The following DLG5 variants were observed in gnomAD, a reference collection of about 807,000 sequenced individuals.
The protein encoded by DLG5 is disks large homolog 5.
In DLG5, 48 loss-of-function variants were observed where a neutral mutation model predicts 189.8. The observed-to-expected ratio is 0.25, with a 90% CI of 0.20 to 0.32. DLG5 has a LOEUF of 0.32. Among genes scored for constraint, DLG5 ranks in the 10% least tolerant of loss-of-function variants. The probability of loss-of-function intolerance (pLI) is 1.00; values close to 1 mark genes in which losing one functional copy is unlikely to be tolerated. For synonymous variants in DLG5, 1,016 were observed against 1,054.1 expected, an observed-to-expected ratio of 0.96 and a Z score of 0.70; for missense variants, 2,160 against 2,544.7, an observed-to-expected ratio of 0.85 and a Z score of 3.25.
intron 18 of DLG5, 58 bp downstream of exon 18, chr10:77,817,719 A>C: frequency 7.0e-7 from 1 of 1,434,936 alleles, no homozygotes; most frequent in Non-Finnish European, 9.6e-7. Flanking sequence ...ATTAGGATGC[A>C]GGCAGAGATG....
At chr10:77,901,720 C>T (rs1268349245) in intron 1 of DLG5, among the ~76,000 whole-genome samples, 1 of 152,194 alleles carries the variant, frequency 6.6e-6, no homozygotes, top group Non-Finnish European at 1.5e-5. Flanking sequence ...TCTTTGCTGA[C>T]CTGGACATAA....
upstream of DLG5, among the ~76,000 whole-genome samples, chr10:77,931,404 C>T (rs1014898186): frequency 6.8e-6 from 1 of 147,816 alleles, no homozygotes; most frequent in Non-Finnish European, 1.5e-5. Context: ...ACCATCATCA[C>T]ACCTAGGTAT....
At chr10:77,830,648 T>C in intron 10 of DLG5, 93 bp downstream of exon 10, 2 of 1,540,306 alleles carry the variant, frequency 1.3e-6, no homozygotes, top group Non-Finnish European at 1.8e-6. Flanking sequence ...CCTCCAAACT[T>C]GGAGTGGTGA....
chr10:77,884,011 G>C (rs1302640560), intron 1 of DLG5, among the ~76,000 whole-genome samples: 1 of 151,928 alleles, frequency 6.6e-6, no homozygotes, highest in Non-Finnish European at 1.5e-5. Flanking sequence ...AAGTAACATT[G>C]TTCTAAGTGT....
rs563016287 is a variant in DLG5, at chr10:77,882,801, T to C, written c.305-13604A>G. Among the ~76,000 whole-genome samples, 85 of 150,920 alleles carry C rather than the reference T, an allele frequency of 5.6e-4. 1 individual carries two copies. The highest frequency in any genetic ancestry group is 2.0e-3 in the African/African-American group (84 of 41,072). On this transcript the variant is annotated intron_variant, in intron 1 of 31. Transcript: ENST00000372391. ...AGCCTGGTGTGGTGGTGCACGTCTG[T>C]AATGCCAGCTACTCGGGAGGGTGAG...
chr10:77,926,034 G>C lies in DLG5; in HGVS notation c.304+183C>G, dbSNP rs1048055866. Among the ~76,000 whole-genome samples the C allele has an allele frequency of 6.6e-5, 10 of 152,332 alleles. No individual in the cohort carries two copies. Among genetic ancestry groups the C allele is most frequent in the Admixed American group, 6.5e-4 (10 of 15,308 alleles). On this transcript the variant is annotated intron_variant, in intron 1 of 31. Transcript: ENST00000372391. This position sits in a 1 kb window ranked among gnomAD's most constrained non-coding sequence, Gnocchi z 5.2. ...GGGCATTGTTCACAGCGAACGGCGG[G>C]ACTGGGGGAGGCGGCGGGACTTCGG...
intron 1 of DLG5, among the ~76,000 whole-genome samples, chr10:77,896,499 C>G (rs1294815938): frequency 2.0e-5 from 3 of 152,024 alleles, no homozygotes; most frequent in Non-Finnish European, 2.9e-5. Flanking sequence ...CCAAATGAAT[C>G]AGGAAAACAA....
intron 8 of DLG5, among the ~76,000 whole-genome samples, chr10:77,834,507 G>A (rs1265583076): frequency 1.3e-5 from 2 of 152,140 alleles, no homozygotes; most frequent in African/African-American, 4.8e-5. Flanking sequence ...CCTGCAACTA[G>A]GAAGGGAGCC....
chr10:77,891,668 C>T (rs1013710811), intron 1 of DLG5, among the ~76,000 whole-genome samples: 1 of 151,992 alleles, frequency 6.6e-6, no homozygotes, highest in African/African-American at 2.4e-5. Context: ...ACATTCCCTC[C>T]AACCCCGCTA....
Position 77,792,376 on chromosome 10 carries a change from A to G in DLG5, c.*64T>C. 1 of 1,471,044 alleles carries G rather than the reference A, an allele frequency of 6.8e-7. No homozygotes were observed. Among genetic ancestry groups the G allele is most frequent in the South Asian group, 1.1e-5 (1 of 88,140 alleles). 91.1% of individuals were successfully genotyped at this position (1,471,044 alleles called of 1,614,324 possible). On this transcript the variant is annotated 3_prime_UTR_variant, in exon 32 of 32. Transcript: ENST00000372391. ...ACAGACTTCTACTTTCAGTCGCTAG[A>G]AAAGAGCTGAGTCTGGTGTCCCCTC...
intron 7 of DLG5, 150 bp from the exon 8 acceptor site, chr10:77,836,072 G>T: frequency 1.4e-6 from 1 of 739,468 alleles, no homozygotes; most frequent in Non-Finnish European, 2.1e-6. Context: ...CATACCCCCA[G>T]TGACTGCACC....
chr10:77,813,646 A>G (rs995035284), intron 20 of DLG5, among the ~76,000 whole-genome samples: 1 of 152,126 alleles, frequency 6.6e-6, no homozygotes, highest in Admixed American at 6.6e-5. Context: ...CTCCTGCCCC[A>G]GCCTTAGATG....
chr10:77,856,658 G>A, intron 3 of DLG5, 72 bp downstream of exon 3: 1 of 1,565,630 alleles, frequency 6.4e-7, no homozygotes, highest in Non-Finnish European at 8.7e-7. Context: ...GGTGTTTGGG[G>A]GTGACAGCAC....
At chr10:77,813,396 G>A (rs973104380) in intron 20 of DLG5, among the ~76,000 whole-genome samples, 1 of 152,064 alleles carries the variant, frequency 6.6e-6, no homozygotes, top group Non-Finnish European at 1.5e-5. Context: ...GTGGCCCTAT[G>A]CCCCAGCCCT....
At chr10:77,819,560 A>C (rs968804477) in intron 16 of DLG5, 95 bp from the exon 17 acceptor site, 12 of 1,462,836 alleles carry the variant, frequency 8.2e-6, no homozygotes, top group South Asian at 1.4e-5. Context: ...ACGCAGCCGC[A>C]GTCTTTTGGG....
intron 1 of DLG5, among the ~76,000 whole-genome samples, chr10:77,890,706 C>T (rs996243789): frequency 1.3e-5 from 2 of 152,176 alleles, no homozygotes; most frequent in African/African-American, 2.4e-5. Flanking sequence ...AATAATTATG[C>T]TTTACACTTG....
intron 20 of DLG5, among the ~76,000 whole-genome samples, chr10:77,813,826 G>A (rs1841902551): frequency 1.3e-5 from 2 of 152,236 alleles, no homozygotes. Context: ...ACCACGGGGT[G>A]GGGAGGCCCG....
chr10:77,811,300 T>A (rs1340579959), intron 22 of DLG5, 66 bp from the exon 23 acceptor site: 3 of 1,560,384 alleles, frequency 1.9e-6, no homozygotes, highest in Non-Finnish European at 2.6e-6. Flanking sequence ...CCCACTCCTG[T>A]GGCAACTAGA....
At chr10:77,869,905 T>C (rs1000780739) in intron 1 of DLG5, among the ~76,000 whole-genome samples, 3 of 152,000 alleles carry the variant, frequency 2.0e-5, no homozygotes, top group African/African-American at 4.8e-5. Context: ...TAGGTGCCCA[T>C]AGCTGGGTCG....
Sources: gnomAD v4.1 joint callset for allele counts (sites outside exome capture counted in the v4.1 genomes callset) on GRCh38, gnomAD v4.1.1 for gene constraint, Gnocchi (gnomAD v3.1) non-coding constraint, MANE v1.5 for transcripts, NCBI Gene and HGNC (gene_info 2026-07-23, HGNC 2026-07-21) for gene names.